KLF13: variants seen among roughly 807,000 people sequenced by gnomAD.
KLF13 encodes the protein Krueppel-like factor 13.
KLF13 carries 8 observed loss-of-function variants against 16.7 expected under a neutral mutation model. The ratio of observed to expected loss-of-function variants is 0.48; its 90% CI spans 0.28 to 0.87. The LOEUF is 0.87. KLF13 is among the 40% of genes least tolerant of loss of function. KLF13 has a pLI of 0.10. For synonymous variants in KLF13, 245 were observed against 208.4 expected (o/e 1.18, Z -1.51); for missense variants, 447 against 452.2 (o/e 0.99, Z 0.10).
intron 2 of KLF13, among the ~76,000 whole-genome samples, chr15:31,400,492 C>G (rs2040018819): frequency 6.6e-6 from 1 of 152,122 alleles, no homozygotes; most frequent in African/African-American, 2.4e-5. Flanking sequence ...GTGCCACAGG[C>G]AGGGAGAACT....
At chr15:31,387,641 G>C (rs1413470267) in intron 1 of KLF13, among the ~76,000 whole-genome samples, 2 of 152,152 alleles carry the variant, frequency 1.3e-5, no homozygotes, top group African/African-American at 4.8e-5. Flanking sequence ...GGAAAAGTGG[G>C]GCTTGTTTTT....
chr15:31,350,001 C>A (rs1240104590), intron 1 of KLF13, among the ~76,000 whole-genome samples: 3 of 152,200 alleles, frequency 2.0e-5, no homozygotes, highest in South Asian at 4.1e-4. Context: ...GTAGCCTAGC[C>A]TTTGCCGAAT....
In KLF13 at chr15:31,357,853, G is replaced by A. The variant is rs79449546; in HGVS notation, c.578-14157G>A. ...GACTCCCGAGCCTTTGTGGGGAAAC[G>A]TGGATTGCTTCCTTGCCTTCTCTGC... is the stretch of plus-strand genomic sequence containing the variant. On this transcript the variant is annotated intron_variant, in intron 1 of 1. Coordinates refer to ENST00000307145, the MANE Select transcript of KLF13 (RefSeq NM_015995.4). Among the ~76,000 whole-genome samples, 606 of 152,252 alleles carry A rather than the reference G, an allele frequency of 4.0e-3. 7 individuals are homozygous for A. In the East Asian group the frequency reaches 0.045, roughly 11 times the overall value.
chr15:31,415,205 T>C (rs2040241039), intron 1 of KLF13, among the ~76,000 whole-genome samples: 1 of 152,224 alleles, frequency 6.6e-6, no homozygotes, highest in South Asian at 2.1e-4. Context: ...GTTGGTACCA[T>C]GTTTCTTGTA....
At position 31,358,331 on chromosome 15, in the gene KLF13, C is replaced by A. The variant is rs553900071; in HGVS notation, c.578-13679C>A. Among the ~76,000 whole-genome samples the A allele has an allele frequency of 3.9e-5, 6 of 152,332 alleles. No individual in the cohort carries two copies. In the East Asian group the frequency reaches 1.2e-3, roughly 29 times the overall value. On this transcript the variant is annotated intron_variant, in intron 1 of 1. Coordinates refer to ENST00000307145, the MANE Select transcript of KLF13 (RefSeq NM_015995.4). ...ATTCTTACAGTTTCTGTCAAAACAT[C>A]GTTTTCCCAAGTGGCTGGTCAGCTC... is the stretch of plus-strand genomic sequence containing the variant.
intron 1 of KLF13, among the ~76,000 whole-genome samples, chr15:31,360,670 C>T (rs1001961442): frequency 1.3e-5 from 2 of 152,144 alleles, no homozygotes; most frequent in Admixed American, 6.5e-5. Flanking sequence ...GCACTGTTCA[C>T]CTGTTTCAGA....
intron 1 of KLF13, among the ~76,000 whole-genome samples, chr15:31,417,263 G>C (rs1225573352): frequency 6.6e-6 from 1 of 152,112 alleles, no homozygotes; most frequent in East Asian, 1.9e-4. Context: ...GGGAGGCCGA[G>C]ATGGGAGGAT....
At chr15:31,369,887 G>T (rs998972260) in intron 1 of KLF13, among the ~76,000 whole-genome samples, 3 of 152,130 alleles carry the variant, frequency 2.0e-5, no homozygotes, top group African/African-American at 7.2e-5. Flanking sequence ...GGATGACCTG[G>T]TGTTTGTTTC....
At chr15:31,401,999 T>C (rs1300882532) in intron 2 of KLF13, among the ~76,000 whole-genome samples, 3 of 152,228 alleles carry the variant, frequency 2.0e-5, no homozygotes, top group Non-Finnish European at 4.4e-5. Context: ...AAGAGCACGT[T>C]TGGAGGCAGA....
chr15:31,363,529 CAGGCTGG>C (rs1482335965), intron 1 of KLF13, among the ~76,000 whole-genome samples: 2 of 152,250 alleles, frequency 1.3e-5, no homozygotes, highest in Non-Finnish European at 2.9e-5. Context: ...CTCTGTCACC[CAGGCTGG>C]AGTTCAGTGG....
chr15:31,339,446 G>A (rs1446982007), intron 1 of KLF13, among the ~76,000 whole-genome samples: 57 of 152,218 alleles, frequency 3.7e-4, no homozygotes, highest in Non-Finnish European at 2.8e-4. Flanking sequence ...ACTGCCGACA[G>A]CTGGCACGGG....
chr15:31,393,557 C>G (rs1010001442), intron 1 of KLF13: 1 of 152,298 alleles, frequency 6.6e-6, no homozygotes, highest in East Asian at 1.9e-4. Flanking sequence ...TCTAGTACTC[C>G]CTACACGCCA....
chr15:31,361,227 C>T (rs890203303), intron 1 of KLF13, among the ~76,000 whole-genome samples: 8 of 152,130 alleles, frequency 5.3e-5, no homozygotes, highest in South Asian at 2.1e-4. Flanking sequence ...CTGCTTGCTC[C>T]TCCTGGAACG....
chr15:31,366,910 C>T (rs1379161440), intron 1 of KLF13, among the ~76,000 whole-genome samples: 1 of 152,266 alleles, frequency 6.6e-6, no homozygotes, highest in Non-Finnish European at 1.5e-5. Context: ...GCCTCATTCT[C>T]CCAAAAGAGT....
chr15:31,354,657 T>G (rs1436191157), intron 1 of KLF13, among the ~76,000 whole-genome samples: 1 of 152,186 alleles, frequency 6.6e-6, no homozygotes, highest in Non-Finnish European at 1.5e-5. Flanking sequence ...AGTGCTGGGA[T>G]TACAGGCGTG....
downstream of KLF13, among the ~76,000 whole-genome samples, chr15:31,382,414 G>GTC (rs1566828437): frequency 6.6e-6 from 1 of 152,206 alleles, no homozygotes; most frequent in Non-Finnish European, 1.5e-5. Flanking sequence ...GTCACGGAGG[G>GTC]ACCCTGGTCT....
At chr15:31,423,063 C>T (rs1253789320) in intron 1 of KLF13, among the ~76,000 whole-genome samples, 1 of 66,436 alleles carries the variant, frequency 1.5e-5, no homozygotes, top group African/African-American at 6.1e-5. Flanking sequence ...ATCAATTTTC[C>T]AGTCATATAA....
chr15:31,328,254 A>G (rs1445366649), intron 1 of KLF13, among the ~76,000 whole-genome samples: 1 of 149,462 alleles, frequency 6.7e-6, no homozygotes, highest in East Asian at 2.0e-4. Context: ...TCAGGAGGGG[A>G]GGGGCCGGCC....
In KLF13 at chr15:31,372,402, A is replaced by C. The variant is rs1179743432; in HGVS notation, c.*103A>C. On this transcript the variant is annotated 3_prime_UTR_variant, in exon 2 of 2. Transcript: ENST00000307145. ...AGAGAACTTGATGCAAAGTCCACGA[A>C]AAAACAATTTTTTTCACCTCAGGTG... 2 of 1,260,408 alleles carry C rather than the reference A, an allele frequency of 1.6e-6. No homozygotes were observed. The highest frequency in any genetic ancestry group is 1.0e-6 in the Non-Finnish European group (1 of 975,842). The allele number at this position is 1,260,408 out of a possible 1,614,324, so 78.1% of individuals were successfully genotyped here.
Sources: allele counts gnomAD v4.1 joint callset (sites outside exome capture counted in the v4.1 genomes callset), GRCh38; gene constraint gnomAD v4.1.1; transcripts MANE v1.5; gene names NCBI Gene and HGNC (gene_info 2026-07-23, HGNC 2026-07-21).